Variants in SHISA9 observed in about 807,000 individuals in gnomAD.
SHISA9 encodes the protein protein shisa-9.
SHISA9 carries 13 observed loss-of-function variants against 38.0 expected under a neutral mutation model. That is an observed-to-expected ratio of 0.34 (90% CI 0.22 to 0.54). The LOEUF is 0.54. Ranked by LOEUF, SHISA9 falls within the 20% of genes least tolerant of loss-of-function variation. The pLI is 0.91. For synonymous variants in SHISA9, 275 were observed against 242.0 expected, an observed-to-expected ratio of 1.14 and a Z score of -1.27; for missense variants, 538 against 575.8, an observed-to-expected ratio of 0.93 and a Z score of 0.67.
At chr16:13,166,989 A>T (rs896390451) in intron 2 of SHISA9, among the ~76,000 whole-genome samples, 1 of 152,140 alleles carries the variant, frequency 6.6e-6, no homozygotes, top group Non-Finnish European at 1.5e-5. Context: ...AATTAAAAAA[A>T]AATTTTTTAA....
intron 2 of SHISA9, among the ~76,000 whole-genome samples, chr16:13,052,843 TG>T (rs2073267621): frequency 6.6e-6 from 1 of 152,152 alleles, no homozygotes; most frequent in African/African-American, 2.4e-5. Context: ...ACTATGGGTG[TG>T]GTTATTCCCA....
intron 2 of SHISA9, among the ~76,000 whole-genome samples, chr16:13,109,729 G>T (rs969892824): frequency 2.0e-5 from 3 of 152,108 alleles, no homozygotes; most frequent in South Asian, 4.1e-4. Context: ...CTAGAGATGT[G>T]TCTTTTCTGG....
At chr16:13,149,248 G>A (rs764915281) in intron 2 of SHISA9, among the ~76,000 whole-genome samples, 1 of 152,158 alleles carries the variant, frequency 6.6e-6, no homozygotes, top group Non-Finnish European at 1.5e-5. Context: ...AAGTGTTTGG[G>A]GAAAAGGGCT....
At chr16:13,010,131 T>G (rs534500946) in intron 2 of SHISA9, among the ~76,000 whole-genome samples, 1 of 152,238 alleles carries the variant, frequency 6.6e-6, no homozygotes, top group Admixed American at 6.5e-5. Context: ...TGACCTATGA[T>G]TTTGCTACTG....
the SHISA9 span, among the ~76,000 whole-genome samples, chr16:13,296,310 A>G: frequency 1.3e-5 from 2 of 151,628 alleles, no homozygotes; most frequent in African/African-American, 4.8e-5. Context: ...AAGTGGTTAC[A>G]TCCTCAAGTT....
chr16:13,341,460 G>T, the SHISA9 span, among the ~76,000 whole-genome samples: 3 of 151,796 alleles, frequency 2.0e-5, no homozygotes, highest in Non-Finnish European at 2.9e-5. Flanking sequence ...AAATCCCAAG[G>T]GTTTTCTTCC....
At chr16:12,958,414 G>A (rs544089826) in intron 2 of SHISA9, among the ~76,000 whole-genome samples, 1 of 152,172 alleles carries the variant, frequency 6.6e-6, no homozygotes, top group African/African-American at 2.4e-5. Flanking sequence ...TTGATTCCTG[G>A]CTTGTGGAAA....
chr16:12,936,054 A>C (rs900424308), intron 2 of SHISA9, among the ~76,000 whole-genome samples: 1 of 152,156 alleles, frequency 6.6e-6, no homozygotes, highest in African/African-American at 2.4e-5. Flanking sequence ...AAGGCTTAGA[A>C]GTCCAGGTAA....
chr16:13,235,738 T>C lies in SHISA9; in HGVS notation c.*329T>C. 1 of 293,926 alleles carries C rather than the reference T, an allele frequency of 3.4e-6. No individual in the cohort carries two copies. Among genetic ancestry groups the C allele is most frequent in the Non-Finnish European group, 6.3e-6 (1 of 158,976 alleles). The allele number at this position is 293,926 out of a possible 1,614,324, so 18.2% of individuals were successfully genotyped here. A position where few individuals can be genotyped will look rare whatever the true frequency, so the allele number is the denominator to read the frequency against. ...GCTGAGTTTTCTTTTCCTCCTAACT[T>C]GAAACTGAAATCCATGGTGACAAAA... On this transcript the variant is annotated 3_prime_UTR_variant, in exon 5 of 5. Coordinates refer to ENST00000558583, the MANE Select transcript of SHISA9 (RefSeq NM_001145204.3).
chr16:12,988,592 T>G (rs911498464), intron 2 of SHISA9, among the ~76,000 whole-genome samples: 1 of 152,172 alleles, frequency 6.6e-6, no homozygotes, highest in African/African-American at 2.4e-5. Flanking sequence ...TGGCGCGATT[T>G]CAGCTCACTG....
chr16:13,114,587 A>T (rs908734377), intron 2 of SHISA9, among the ~76,000 whole-genome samples: 4 of 152,126 alleles, frequency 2.6e-5, no homozygotes, highest in African/African-American at 9.7e-5. Flanking sequence ...CATGTCTTCA[A>T]ATATTATTGC....
the SHISA9 span, among the ~76,000 whole-genome samples, chr16:13,281,266 G>C: frequency 4.0e-5 from 6 of 151,674 alleles, no homozygotes; most frequent in Non-Finnish European, 7.4e-5. Context: ...TCTTTGTCAT[G>C]AAATCTGATG....
chr16:12,970,646 A>T (rs1157968271), intron 2 of SHISA9, among the ~76,000 whole-genome samples: 2 of 148,018 alleles, frequency 1.4e-5, no homozygotes, highest in Non-Finnish European at 3.0e-5. Context: ...AAGTAGCTGG[A>T]ACTATAGGCA....
At chr16:13,491,818 C>CTTTTTTTTTTTTTTTTTTTTTTTT in the SHISA9 span, among the ~76,000 whole-genome samples, 1 of 44,506 alleles carries the variant, frequency 2.2e-5, no homozygotes, top group Non-Finnish European at 4.2e-5. Flanking sequence ...ATTTATTGAC[C>CTTTTTTTTTTTTTTTTTTTTTTTT]TTTTTTTTTT....
At chr16:13,352,363 C>A in the SHISA9 span, among the ~76,000 whole-genome samples, 126 of 152,250 alleles carry the variant, frequency 8.3e-4, no homozygotes, top group African/African-American at 2.8e-3. Flanking sequence ...GTTTCAAATG[C>A]AGCTGCAGTA....
intron 2 of SHISA9, among the ~76,000 whole-genome samples, chr16:13,102,287 G>C (rs137982358): frequency 6.6e-6 from 1 of 152,274 alleles, no homozygotes; most frequent in East Asian, 1.9e-4. Flanking sequence ...CTGTGCACCA[G>C]CTCAACATCC....
chr16:13,181,840 G>C (rs1194811684), intron 2 of SHISA9, among the ~76,000 whole-genome samples: 1 of 152,182 alleles, frequency 6.6e-6, no homozygotes, highest in Non-Finnish European at 1.5e-5. Context: ...AAATACCCTT[G>C]AGATGTGTGT....
chr16:13,193,146 G>A (rs1031616492), intron 2 of SHISA9, among the ~76,000 whole-genome samples: 1 of 152,116 alleles, frequency 6.6e-6, no homozygotes, highest in African/African-American at 2.4e-5. Flanking sequence ...TCCATTCTGG[G>A]GGCAGCCTAG....
chr16:13,135,365 C>T (rs1177624107), intron 2 of SHISA9, among the ~76,000 whole-genome samples: 3 of 152,210 alleles, frequency 2.0e-5, no homozygotes, highest in African/African-American at 7.2e-5. Flanking sequence ...GGAGTGTGAT[C>T]AGCAGATAGC....
Sources: allele counts gnomAD v4.1 joint callset (sites outside exome capture counted in the v4.1 genomes callset), GRCh38; gene constraint gnomAD v4.1.1; transcripts MANE v1.5; gene names NCBI Gene and HGNC (gene_info 2026-07-23, HGNC 2026-07-21).